Variants in ADGRV1 observed in about 807,000 individuals in gnomAD.
ADGRV1 encodes the protein G-protein coupled receptor 98.
In ADGRV1, 359 loss-of-function variants were observed where a neutral mutation model predicts 596.2. The ratio of observed to expected loss-of-function variants is 0.60; its 90% CI spans 0.55 to 0.66. ADGRV1 has a LOEUF of 0.66. Ranked by LOEUF, ADGRV1 falls within the 30% of genes least tolerant of loss-of-function variation. ADGRV1 has a pLI of 0.00. For missense variants in ADGRV1, 7,274 were observed against 7,575.6 expected (o/e 0.96, Z 1.48); for synonymous variants, 2,681 against 2,679.2 (o/e 1.00, Z -0.02).
intron 1 of ADGRV1, among the ~76,000 whole-genome samples, chr5:90,564,053 G>A (rs2886763): frequency 0.063 from 9,607 of 152,228 alleles, 881 homozygotes; most frequent in African/African-American, 0.21. Context: ...AGGTAAAATA[G>A]TACATTTTTC....
At chr5:91,124,898 A>G (rs1224475364) in intron 87 of ADGRV1, among the ~76,000 whole-genome samples, 1 of 152,200 alleles carries the variant, frequency 6.6e-6, no homozygotes, top group East Asian at 1.9e-4. Context: ...TTGAATACTA[A>G]AATGAACTAT....
chr5:90,633,996 C>G (rs1765827408), intron 9 of ADGRV1, among the ~76,000 whole-genome samples: 1 of 152,108 alleles, frequency 6.6e-6, no homozygotes, highest in Non-Finnish European at 1.5e-5. Flanking sequence ...AATCACAGGT[C>G]TACTGGTGAT....
intron 87 of ADGRV1, among the ~76,000 whole-genome samples, chr5:91,102,741 TCC>T (rs1791500422): frequency 6.6e-6 from 1 of 152,194 alleles, no homozygotes; most frequent in African/African-American, 2.4e-5. Context: ...GTTCAAGCAG[TCC>T]CCTCTTAAGT....
intron 52 of ADGRV1, among the ~76,000 whole-genome samples, chr5:90,746,385 A>G (rs1057415494): frequency 6.6e-6 from 1 of 152,160 alleles, no homozygotes; most frequent in Non-Finnish European, 1.5e-5. Context: ...GCAAAAGGAC[A>G]TCTATTATTT....
chr5:90,607,322 TG>T (rs1307185255), intron 1 of ADGRV1, among the ~76,000 whole-genome samples: 2 of 152,034 alleles, frequency 1.3e-5, no homozygotes, highest in Non-Finnish European at 2.9e-5. Context: ...AGCAACTAGG[TG>T]GGGAGAAAAC....
At chr5:91,112,169 A>G (rs1792430354) in intron 87 of ADGRV1, among the ~76,000 whole-genome samples, 2 of 152,214 alleles carry the variant, frequency 1.3e-5, no homozygotes, top group Admixed American at 1.3e-4. Flanking sequence ...GATTCTCTAA[A>G]TAAAAGTGTC....
chr5:91,124,611 T>A (rs946425967), intron 87 of ADGRV1, among the ~76,000 whole-genome samples: 2 of 152,094 alleles, frequency 1.3e-5, no homozygotes, highest in African/African-American at 4.8e-5. Flanking sequence ...AACCCTCTAG[T>A]GAAGACCCCT....
intron 79 of ADGRV1, chr5:90,851,025 G>A (rs1017485320): frequency 2.0e-5 from 3 of 151,816 alleles, no homozygotes; most frequent in Admixed American, 6.6e-5. Context: ...TACAATGGCA[G>A]TCAGGCAAGA....
rs1227706776 is a variant in ADGRV1, at chr5:90,658,239, A to G, written c.4713A>G (p.Ala1571=). The part of the protein sequence containing the change: ...ARLTIQKSDN[A]NGLFGFTGAC... ...TAACAATACAAAAAAGTGACAATGC[A>G]AATGGCTTGTTTGGTTTCACAGGAG... Residue 1571 remains alanine, a synonymous_variant, in exon 21 of 90, where the codon GCA becomes GCG. Coordinates refer to ENST00000405460, the MANE Select transcript of ADGRV1 (RefSeq NM_032119.4). The G allele has an allele frequency of 6.5e-6, 10 of 1,539,122 alleles. No homozygotes were observed. The highest frequency in any genetic ancestry group is 1.4e-5 in the African/African-American group (1 of 72,832).
intron 47 of ADGRV1, 103 bp downstream of exon 47, chr5:90,725,335 A>T (rs1324740954): frequency 1.3e-5 from 11 of 846,652 alleles, no homozygotes; most frequent in Admixed American, 3.6e-5. Context: ...TGTTAATGTG[A>T]AAAAGGACTT....
chr5:90,834,879 CTTTCTTT>C (rs1764832086), intron 77 of ADGRV1, among the ~76,000 whole-genome samples: 1 of 150,782 alleles, frequency 6.6e-6, no homozygotes. Flanking sequence ...CTTTCTCTTT[CTTTCTTT>C]TTTCTTTCTT....
At chr5:90,571,884 G>T (rs1580307992) in intron 1 of ADGRV1, among the ~76,000 whole-genome samples, 1 of 151,450 alleles carries the variant, frequency 6.6e-6, no homozygotes, top group Admixed American at 6.6e-5. Context: ...AGATTCAGCT[G>T]TATTTCTTTA....
At chr5:91,074,344 T>C (rs1788658468) in intron 86 of ADGRV1, among the ~76,000 whole-genome samples, 1 of 152,140 alleles carries the variant, frequency 6.6e-6, no homozygotes, top group Admixed American at 6.5e-5. Context: ...TACCCTCAAG[T>C]AGGCCCCAGT....
intron 14 of ADGRV1, 99 bp downstream of exon 14, chr5:90,644,082 A>T: frequency 1.1e-6 from 1 of 869,622 alleles, no homozygotes; most frequent in Non-Finnish European, 1.7e-6. Flanking sequence ...CTAGTTGCTC[A>T]CCCTGCCTTA....
intron 1 of ADGRV1, among the ~76,000 whole-genome samples, chr5:90,581,484 T>G (rs1047015788): frequency 6.6e-6 from 1 of 152,234 alleles, no homozygotes; most frequent in African/African-American, 2.4e-5. Context: ...TTCCTTTCTG[T>G]TTGTGAGTTT....
chr5:90,923,979 C>T (rs1479657587), intron 83 of ADGRV1, among the ~76,000 whole-genome samples: 1 of 151,822 alleles, frequency 6.6e-6, no homozygotes, highest in Non-Finnish European at 1.5e-5. Flanking sequence ...TTTATGGCTG[C>T]ATAGTATTCC....
At chr5:90,646,858 C>G (rs529685190) in intron 16 of ADGRV1, among the ~76,000 whole-genome samples, 2 of 151,318 alleles carry the variant, frequency 1.3e-5, no homozygotes, top group East Asian at 3.9e-4. Context: ...ACTGCACCCT[C>G]CGCCTTCTGG....
intron 83 of ADGRV1, among the ~76,000 whole-genome samples, chr5:90,928,054 T>C (rs1211941951): frequency 6.6e-6 from 1 of 152,216 alleles, no homozygotes; most frequent in Non-Finnish European, 1.5e-5. Context: ...TCTCTCTGGC[T>C]GCCCTTAACA....
intron 21 of ADGRV1, among the ~76,000 whole-genome samples, chr5:90,666,762 C>G (rs1431093401): frequency 1.3e-5 from 2 of 151,532 alleles, no homozygotes; most frequent in Non-Finnish European, 2.9e-5. Flanking sequence ...TTGTTCCTTT[C>G]CATGTTTAGC....
Sources: gnomAD v4.1 joint callset for allele counts (sites outside exome capture counted in the v4.1 genomes callset) on GRCh38, gnomAD v4.1.1 for gene constraint, MANE v1.5 for transcripts, NCBI Gene and HGNC (gene_info 2026-07-23, HGNC 2026-07-21) for gene names.